The following DENND4C variants were observed in gnomAD, a reference collection of about 807,000 sequenced individuals.
DENND4C encodes DENN domain containing 4C.
Under a neutral mutation model 203.0 loss-of-function variants are expected in DENND4C, and 108 were observed. The observed-to-expected ratio is 0.53, with a 90% CI of 0.46 to 0.62. The LOEUF (loss-of-function observed/expected upper bound fraction) is 0.62. DENND4C is among the 20% of genes least tolerant of loss of function. The pLI is 0.00. For missense variants in DENND4C, 2,481 were observed against 2,301.2 expected (o/e 1.08, Z -1.60); for synonymous variants, 871 against 792.4 (o/e 1.10, Z -1.67).
intron 10 of DENND4C, among the ~76,000 whole-genome samples, chr9:19,315,239 A>G (rs993316031): frequency 1.3e-5 from 2 of 151,770 alleles, no homozygotes; most frequent in Non-Finnish European, 2.9e-5. Context: ...GTTCTAACAT[A>G]CTTCTTGGTG....
intron 8 of DENND4C, among the ~76,000 whole-genome samples, 166 bp from the exon 9 acceptor site, chr9:19,300,021 T>A (rs1838229358): frequency 6.6e-6 from 1 of 152,220 alleles, no homozygotes; most frequent in Non-Finnish European, 1.5e-5. Flanking sequence ...TGAGTTTAAA[T>A]CACCCCGTTA....
Position 19,346,738 on chromosome 9 carries a change from G to T in DENND4C, c.3969G>T (p.Glu1323Asp). The T allele has an allele frequency of 6.2e-7, 1 of 1,614,170 alleles. No homozygotes were observed. The highest frequency in any genetic ancestry group is 1.3e-5 in the African/African-American group (1 of 75,042). ...CTACTGCATTTATTCATGCTCTAGA[G>T]AGGAGATCAAGCCTACCTTTAGATC... ...GMTTAFIHALERRSSLPLDHG... is the reference protein window; with the variant it reads ...GMTTAFIHALDRRSSLPLDHG... The change falls in exon 23 of 33, where the codon GAG becomes GAT. Residue 1323 changes from glutamate to aspartate, a missense_variant. By Grantham distance (45) the Glu-to-Asp change is conservative. Transcript: ENST00000434457.
intron 1 of DENND4C, among the ~76,000 whole-genome samples, chr9:19,254,088 A>G (rs1253869258): frequency 6.6e-6 from 1 of 152,234 alleles, no homozygotes; most frequent in Non-Finnish European, 1.5e-5. Flanking sequence ...TGTTAATACA[A>G]AGTATCAATA....
At chr9:19,365,634 C>T (rs934997599) in intron 30 of DENND4C, among the ~76,000 whole-genome samples, 4 of 150,208 alleles carry the variant, frequency 2.7e-5, no homozygotes. Context: ...TTTATTTTTT[C>T]TATATATATA....
intron 10 of DENND4C, among the ~76,000 whole-genome samples, chr9:19,312,089 C>CA (rs879725567): frequency 6.6e-6 from 1 of 152,056 alleles, no homozygotes; most frequent in Non-Finnish European, 1.5e-5. Flanking sequence ...AAAAAAATCA[C>CA]AAAAGATATT....
intron 1 of DENND4C, among the ~76,000 whole-genome samples, chr9:19,235,118 C>A (rs1821606453): frequency 6.6e-6 from 1 of 152,010 alleles, no homozygotes; most frequent in South Asian, 2.1e-4. Flanking sequence ...ACGCCTGCCA[C>A]CACACCCAGC....
intron 30 of DENND4C, among the ~76,000 whole-genome samples, chr9:19,363,937 C>A (rs2132257493): frequency 6.6e-6 from 1 of 152,174 alleles, no homozygotes; most frequent in East Asian, 1.9e-4. Flanking sequence ...TTGCTTGGAC[C>A]CGGGAAGCAG....
At chr9:19,257,738 A>T (rs1289968080) in intron 1 of DENND4C, among the ~76,000 whole-genome samples, 1 of 152,228 alleles carries the variant, frequency 6.6e-6, no homozygotes, top group Non-Finnish European at 1.5e-5. Flanking sequence ...CTAAATGGAT[A>T]GTAATAGAAT....
chr9:19,274,311 T>C lies in DENND4C; in HGVS notation c.-17-1847T>C, dbSNP rs75699162. On this transcript the variant is annotated intron_variant, in intron 1 of 32. Coordinates refer to ENST00000434457, the MANE Select transcript of DENND4C (RefSeq NM_001330640.2). The stretch of plus-strand genomic sequence containing the variant: ...TGGATATGTTTCTTTCTTTTTTTTT[T>C]TGAGATGGAATTTTGCTCTTGTTGC... Among the ~76,000 whole-genome samples, 3 of 152,114 alleles carry C rather than the reference T, an allele frequency of 2.0e-5. No individual in the cohort carries two copies. The East Asian group carries it at 5.8e-4, about 29-fold the overall frequency.
At chr9:19,273,228 G>T (rs1832138820) in intron 1 of DENND4C, among the ~76,000 whole-genome samples, 1 of 151,908 alleles carries the variant, frequency 6.6e-6, no homozygotes, top group Non-Finnish European at 1.5e-5. Context: ...TGGTATTACA[G>T]GCGTGAGCCA....
chr9:19,236,377 C>T (rs975755202), intron 1 of DENND4C, among the ~76,000 whole-genome samples: 1 of 152,114 alleles, frequency 6.6e-6, no homozygotes, highest in Admixed American at 6.5e-5. Flanking sequence ...TAAAAACTTA[C>T]AACTTGCTGT....
chr9:19,355,432 G>T (rs114467687), intron 26 of DENND4C, among the ~76,000 whole-genome samples: 3,188 of 152,132 alleles, frequency 0.021, 121 homozygotes, highest in African/African-American at 0.072. Context: ...TGATGTTTAG[G>T]TCTTTAATAT....
intron 1 of DENND4C, among the ~76,000 whole-genome samples, chr9:19,263,684 C>T (rs1234943800): frequency 2.7e-5 from 4 of 146,666 alleles, no homozygotes; most frequent in Admixed American, 6.8e-5. Context: ...GACAGAATCT[C>T]GCTCTTGTCA....
At chr9:19,299,899 A>G (rs1444983692) in intron 8 of DENND4C, among the ~76,000 whole-genome samples, 1 of 152,122 alleles carries the variant, frequency 6.6e-6, no homozygotes, top group Non-Finnish European at 1.5e-5. Flanking sequence ...GGGCCCTTGC[A>G]TATATTGTCT....
chr9:19,292,209 T>C (rs1417454092), intron 5 of DENND4C: 3 of 150,816 alleles, frequency 2.0e-5, no homozygotes, highest in Non-Finnish European at 2.9e-5. Context: ...TTTTTTTTTT[T>C]AGTAGAGACA....
At chr9:19,352,352 C>G in intron 25 of DENND4C, 138 bp from the exon 26 acceptor site, 1 of 1,022,714 alleles carries the variant, frequency 9.8e-7, no homozygotes, top group Non-Finnish European at 1.4e-6. Context: ...TGGTAGTTTA[C>G]CTGTGAAATA....
At chr9:19,367,988 G>A (rs1182982512) in intron 30 of DENND4C, among the ~76,000 whole-genome samples, 2 of 152,110 alleles carry the variant, frequency 1.3e-5, no homozygotes, top group East Asian at 1.9e-4. Context: ...GGGCTAAGGG[G>A]TTGAGATGGG....
rs560111764 is a variant in DENND4C, at chr9:19,231,811, C to T, written c.-18+978C>T. ...AGCGTTGTAGCCTGAGAAATTGACC[C>T]ACTGAGCCTGCTTAATTGTGTGCAA... On this transcript the variant is annotated intron_variant, in intron 1 of 32. Coordinates refer to ENST00000434457, the MANE Select transcript of DENND4C (RefSeq NM_001330640.2). 1.1e-4 allele frequency among the ~76,000 whole-genome samples: 16 copies of T among 151,468 alleles called. No homozygotes were observed. In the South Asian group the frequency reaches 3.0e-3, roughly 28 times the overall value.
At chr9:19,251,954 C>CCT (rs1321044317) in intron 1 of DENND4C, among the ~76,000 whole-genome samples, 1 of 152,194 alleles carries the variant, frequency 6.6e-6, no homozygotes, top group East Asian at 1.9e-4. Flanking sequence ...ACTGTTCCAG[C>CCT]CTCTGCCTGT....
Sources: gnomAD v4.1 joint callset for allele counts (sites outside exome capture counted in the v4.1 genomes callset) on GRCh38, gnomAD v4.1.1 for gene constraint, MANE v1.5 for transcripts, NCBI Gene and HGNC (gene_info 2026-07-23, HGNC 2026-07-21) for gene names.